Variants in PHF14 observed in about 807,000 individuals in gnomAD.
PHF14 encodes PHD finger protein 14.
Under a neutral mutation model 117.9 loss-of-function variants are expected in PHF14, and 55 were observed. That is an observed-to-expected ratio of 0.47 (90% confidence interval 0.38 to 0.58). The LOEUF (loss-of-function observed/expected upper bound fraction) is 0.58. Ranked by LOEUF, PHF14 falls within the 20% of genes least tolerant of loss-of-function variation. The pLI, the probability that PHF14 is intolerant of heterozygous loss-of-function variation, is 0.00. For synonymous variants in PHF14, 409 were observed against 368.6 expected, an observed-to-expected ratio of 1.11 and a Z score of -1.26; for missense variants, 978 against 1,122.2, an observed-to-expected ratio of 0.87 and a Z score of 1.84.
chr7:11,168,238 A>T (rs372869167), intron 17 of PHF14, among the ~76,000 whole-genome samples: 1 of 152,188 alleles, frequency 6.6e-6, no homozygotes, highest in African/African-American at 2.4e-5. Context: ...CTGGTGTTCT[A>T]CATATCTATA....
intron 16 of PHF14, among the ~76,000 whole-genome samples, chr7:11,064,818 G>C (rs919208638): frequency 2.0e-5 from 3 of 151,926 alleles, no homozygotes; most frequent in Admixed American, 1.3e-4. Flanking sequence ...TAGCATTTCT[G>C]TGTCTTGGTT....
intron 17 of PHF14, among the ~76,000 whole-genome samples, chr7:11,138,959 T>C (rs776968626): frequency 1.3e-5 from 2 of 152,144 alleles, no homozygotes; most frequent in Non-Finnish European, 2.9e-5. Context: ...AAAACAAATA[T>C]TTTCTTTTTT....
intron 17 of PHF14, among the ~76,000 whole-genome samples, chr7:11,143,921 A>C (rs183489307): frequency 4.6e-5 from 7 of 152,172 alleles, no homozygotes; most frequent in African/African-American, 1.7e-4. Flanking sequence ...GGAAACAATC[A>C]ACAGAGTAAA....
At chr7:11,129,866 G>A (rs1788043669) in intron 17 of PHF14, among the ~76,000 whole-genome samples, 1 of 151,964 alleles carries the variant, frequency 6.6e-6, no homozygotes, top group Non-Finnish European at 1.5e-5. Flanking sequence ...AAGGTACAGT[G>A]GGAATTTTGA....
chr7:11,058,115 G>A (rs767168241), intron 14 of PHF14, among the ~76,000 whole-genome samples: 4 of 151,994 alleles, frequency 2.6e-5, no homozygotes, highest in Non-Finnish European at 5.9e-5. Context: ...CAGTTTTATT[G>A]TTGCTAAAGT....
intron 16 of PHF14, among the ~76,000 whole-genome samples, chr7:11,079,571 G>A (rs748482581): frequency 5.9e-5 from 9 of 151,974 alleles, no homozygotes; most frequent in Non-Finnish European, 1.2e-4. Flanking sequence ...TTTAATGTTG[G>A]CATTTTGTTT....
At chr7:11,090,969 G>T (rs1786620987) in intron 16 of PHF14, among the ~76,000 whole-genome samples, 1 of 152,178 alleles carries the variant, frequency 6.6e-6, no homozygotes, top group Non-Finnish European at 1.5e-5. Context: ...TATGAGTCAT[G>T]TGTGATGTAG....
At chr7:11,021,697 G>A (rs1209401321) in intron 5 of PHF14, among the ~76,000 whole-genome samples, 2 of 152,116 alleles carry the variant, frequency 1.3e-5, no homozygotes, top group South Asian at 2.1e-4. Flanking sequence ...TGTTGAAGAT[G>A]TGTATCTTTA....
At chr7:11,087,822 T>C (rs1480288418) in intron 16 of PHF14, among the ~76,000 whole-genome samples, 1 of 152,138 alleles carries the variant, frequency 6.6e-6, no homozygotes, top group Non-Finnish European at 1.5e-5. Context: ...TTTTGAAATA[T>C]GCAATAAGAA....
intron 10 of PHF14, among the ~76,000 whole-genome samples, chr7:11,038,529 A>T (rs893881043): frequency 1.3e-5 from 2 of 151,562 alleles, no homozygotes; most frequent in African/African-American, 4.8e-5. Context: ...GTGGTGGTGC[A>T]CACCTGTAGT....
At chr7:11,040,881 AC>A in intron 12 of PHF14, 106 bp downstream of exon 12, 2 of 524,640 alleles carry the variant, frequency 3.8e-6, no homozygotes, top group Admixed American at 4.1e-5. Context: ...TTATGTCCAT[AC>A]CAGAATTTAA....
chr7:11,079,872 A>C (rs760458190), intron 16 of PHF14, among the ~76,000 whole-genome samples: 1 of 152,064 alleles, frequency 6.6e-6, no homozygotes, highest in South Asian at 2.1e-4. Context: ...CATAAATGAC[A>C]TGTCAATAAT....
At chr7:10,980,441 A>G (rs560705693) in intron 2 of PHF14, among the ~76,000 whole-genome samples, 3 of 152,274 alleles carry the variant, frequency 2.0e-5, no homozygotes, top group South Asian at 2.1e-4. Context: ...TAAAATGTCA[A>G]GAGATTACTA....
At chr7:11,147,974 A>C (rs1788595231) in intron 17 of PHF14, among the ~76,000 whole-genome samples, 1 of 152,148 alleles carries the variant, frequency 6.6e-6, no homozygotes, top group South Asian at 2.1e-4. Context: ...TACTTCTCCC[A>C]CAGTCTTTCC....
rs972897601 is a variant in PHF14, at chr7:11,105,771, A to G, written c.2655-5579A>G. The G allele has an allele frequency of 1.3e-5, 13 of 984,824 alleles. No homozygotes were observed. In the African/African-American group the frequency reaches 2.1e-4, roughly 16 times the overall value. The allele number at this position is 984,824 out of a possible 1,614,324, so 61.0% of individuals were successfully genotyped here. ...TTCTGTAGGCCTGCCGATAAGATTCACTGCTGTTCAGGTACATAAGATGTA... is the reference window on the plus strand; with the variant it reads ...TTCTGTAGGCCTGCCGATAAGATTCGCTGCTGTTCAGGTACATAAGATGTA... On this transcript the variant is annotated intron_variant, in intron 16 of 17. Coordinates refer to ENST00000634607, the MANE Select transcript of PHF14 (RefSeq NM_001007157.2).
Position 11,130,841 on chromosome 7 carries a change from A to G in PHF14, c.2772+19374A>G, listed in dbSNP as rs576257330. Reference sequence around the variant, plus strand: ...TCTGCCTATTCACCACTCCCTCTCTACCATCAAACCACTGGCAACCACAGA... The same window carrying G: ...TCTGCCTATTCACCACTCCCTCTCTGCCATCAAACCACTGGCAACCACAGA... On this transcript the variant is annotated intron_variant, in intron 17 of 17. Transcript: ENST00000634607. This position sits in a 1 kb window ranked among gnomAD's most constrained non-coding sequence, Gnocchi z 4.2. Among the ~76,000 whole-genome samples the G allele has an allele frequency of 1.3e-5, 2 of 151,854 alleles. No individual in the cohort carries two copies. Among genetic ancestry groups the G allele is most frequent in the South Asian group, 2.1e-4 (1 of 4,812 alleles).
intron 17 of PHF14, among the ~76,000 whole-genome samples, chr7:11,121,237 T>C (rs1189038290): frequency 6.6e-6 from 1 of 152,234 alleles, no homozygotes; most frequent in Admixed American, 6.5e-5. Context: ...GCTAGCACTT[T>C]CACATTCCTT....
At chr7:11,131,505 A>G (rs1287620558) in intron 17 of PHF14, among the ~76,000 whole-genome samples, 1 of 151,834 alleles carries the variant, frequency 6.6e-6, no homozygotes, top group Non-Finnish European at 1.5e-5. Context: ...TTGTAAAATT[A>G]TTGTTTAATT....
intron 13 of PHF14, among the ~76,000 whole-genome samples, chr7:11,046,866 GA>G (rs202056727): frequency 3.3e-4 from 47 of 142,190 alleles, no homozygotes; most frequent in African/African-American, 9.4e-4. Context: ...TTAGACATAA[GA>G]AAAAAAAAAA....
Sources: gnomAD v4.1 joint callset for allele counts (sites outside exome capture counted in the v4.1 genomes callset) on GRCh38, gnomAD v4.1.1 for gene constraint, Gnocchi (gnomAD v3.1) non-coding constraint, MANE v1.5 for transcripts, NCBI Gene and HGNC (gene_info 2026-07-23, HGNC 2026-07-21) for gene names.